WDHD1: variants seen among roughly 807,000 people sequenced by gnomAD.
WDHD1 encodes the protein WD repeat and HMG-box DNA-binding protein 1.
In WDHD1, 111 loss-of-function variants were observed where a neutral mutation model predicts 135.4. The ratio of observed to expected loss-of-function variants is 0.82; its 90% CI spans 0.70 to 0.96. The LOEUF is 0.96. Ranked by LOEUF, WDHD1 falls within the 40% of genes least tolerant of loss-of-function variation. The pLI is 0.00. For missense variants in WDHD1, 1,351 were observed against 1,336.3 expected (o/e 1.01, Z -0.17); for synonymous variants, 434 against 439.0 (o/e 0.99, Z 0.14).
chr14:54,942,207 C>A (rs887923465), intron 25 of WDHD1, among the ~76,000 whole-genome samples: 11 of 151,678 alleles, frequency 7.3e-5, no homozygotes, highest in Non-Finnish European at 1.5e-4. Flanking sequence ...GCTGAGATCA[C>A]GCCACTGCAC....
chr14:54,974,134 A>C (rs1248524113), intron 16 of WDHD1, among the ~76,000 whole-genome samples: 2 of 152,048 alleles, frequency 1.3e-5, no homozygotes, highest in African/African-American at 4.8e-5. Flanking sequence ...CTAAAAAGAC[A>C]AAAGTGGCTG....
intron 3 of WDHD1, among the ~76,000 whole-genome samples, chr14:55,013,194 C>CAAAAAAAAAAAAA (rs71448422): frequency 0.043 from 3,515 of 82,082 alleles, 215 homozygotes; most frequent in Non-Finnish European, 0.058. Context: ...GATCCCGTTT[C>CAAAAAAAAAAAAA]AAAAAAAAAA....
chr14:54,955,895 C>CTTTTTTTTT (rs71131243), intron 23 of WDHD1, among the ~76,000 whole-genome samples: 1 of 110,094 alleles, frequency 9.1e-6, no homozygotes, highest in Non-Finnish European at 1.8e-5. Context: ...CCATGTTTTC[C>CTTTTTTTTT]TTTTTTTTTT....
chr14:54,972,935 T>C (rs939770467), intron 16 of WDHD1, among the ~76,000 whole-genome samples: 5 of 152,242 alleles, frequency 3.3e-5, no homozygotes, highest in Non-Finnish European at 1.5e-5. Flanking sequence ...AAAGACTGTC[T>C]AAACCTGTTC....
At chr14:55,024,052 A>G (rs528343510) in intron 2 of WDHD1, among the ~76,000 whole-genome samples, 1 of 152,314 alleles carries the variant, frequency 6.6e-6, no homozygotes, top group South Asian at 2.1e-4. Context: ...TCTAGGCTAC[A>G]TGGTTCGTCT....
rs150906260 is a variant in WDHD1, at chr14:55,010,371, G to A, written c.279C>T (p.Phe93=). 1.8e-4 allele frequency: 289 copies of A among 1,613,584 alleles called. No homozygotes were observed. The African/African-American group carries it at 3.2e-3, about 18-fold the overall frequency. ...AGACCACATGGTTTGCATTTGTAGT[G>A]AAGCGAGTCAATATACCATCTGGAA... ...EGVPDGILTR[F]TTNANHVVFN... The change falls in exon 4 of 26, where the codon TTC becomes TTT. Residue 93 remains phenylalanine, a synonymous_variant. Coordinates refer to ENST00000360586, the MANE Select transcript of WDHD1 (RefSeq NM_007086.4).
At position 55,012,444 on chromosome 14, in the gene WDHD1, A is replaced by C. The variant is rs1188533236; in HGVS notation, c.189+1041T>G. 2.0e-5 allele frequency among the ~76,000 whole-genome samples: 3 copies of C among 152,224 alleles called. No homozygotes were observed. In the East Asian group the frequency reaches 5.8e-4, roughly 29 times the overall value. On this transcript the variant is annotated intron_variant, in intron 3 of 25. Coordinates refer to ENST00000360586, the MANE Select transcript of WDHD1 (RefSeq NM_007086.4). Reference sequence around the variant, plus strand: ...AGTCTTCTTTCTCCAAGTAACCTACATCTCATTCCCATATTTGCGTTACAC... The same window carrying C: ...AGTCTTCTTTCTCCAAGTAACCTACCTCTCATTCCCATATTTGCGTTACAC...
intron 24 of WDHD1, among the ~76,000 whole-genome samples, chr14:54,949,105 C>G (rs182239534): frequency 1.2e-4 from 19 of 152,210 alleles, no homozygotes; most frequent in Middle Eastern, 3.4e-3. Flanking sequence ...CTCTCCCCCC[C>G]CAAAGGAACG....
In WDHD1 at chr14:55,011,641, GT is replaced by G; in HGVS notation, c.190-1182del. 1.3e-5 allele frequency among the ~76,000 whole-genome samples: 2 copies of G among 148,908 alleles called. 1 individual carries two copies. Among genetic ancestry groups the G allele is most frequent in the African/African-American group, 5.1e-5 (2 of 39,494 alleles). ...GTCTTCTTAATTTTGTTATATTCGT[GT>G]GTGTGTTTGTGTGTATATATATATG... is the stretch of plus-strand genomic sequence containing the variant. On this transcript the variant is annotated intron_variant, in intron 3 of 25. Transcript: ENST00000360586.
At chr14:54,984,694 C>T (rs761723101) in intron 15 of WDHD1, 29 bp downstream of exon 15, 16 of 1,580,238 alleles carry the variant, frequency 1.0e-5, no homozygotes, top group South Asian at 9.4e-5. Flanking sequence ...TTATATTATA[C>T]TTGTTTTTTT....
chr14:55,011,433 A>C (rs1330742336), intron 3 of WDHD1, among the ~76,000 whole-genome samples: 1 of 151,192 alleles, frequency 6.6e-6, no homozygotes, highest in East Asian at 1.9e-4. Flanking sequence ...CTGAGGGAGA[A>C]GAATCACCTG....
intron 1 of WDHD1, 109 bp from the exon 2 acceptor site, chr14:55,026,912 G>T: frequency 9.8e-7 from 1 of 1,017,480 alleles, no homozygotes; most frequent in Non-Finnish European, 1.5e-6. Context: ...TCCGCAGCCC[G>T]GTTTCCCCCA....
intron 3 of WDHD1, 78 bp from the exon 4 acceptor site, chr14:55,010,538 G>A (rs575354910): frequency 1.1e-3 from 1,405 of 1,236,730 alleles, no homozygotes; most frequent in Non-Finnish European, 1.4e-3. Context: ...TTAAAAATCC[G>A]GTAAAAAACA....
chr14:54,954,832 T>G (rs986065273), intron 24 of WDHD1, among the ~76,000 whole-genome samples: 8 of 152,160 alleles, frequency 5.3e-5, no homozygotes, highest in Admixed American at 2.0e-4. Context: ...CGGGTTCAAG[T>G]GATTCTCCTG....
chr14:55,003,426 G>C (rs899385365), intron 7 of WDHD1, among the ~76,000 whole-genome samples: 20 of 151,930 alleles, frequency 1.3e-4, no homozygotes, highest in African/African-American at 4.6e-4. Flanking sequence ...GAGGTGGGAG[G>C]ATGAACTGAG....
chr14:54,971,829 G>C (rs896295572), intron 16 of WDHD1, among the ~76,000 whole-genome samples: 3 of 150,254 alleles, frequency 2.0e-5, no homozygotes, highest in African/African-American at 7.4e-5. Flanking sequence ...AAAAAAATCA[G>C]CAGCAAAAAA....
chr14:54,995,275 C>G (rs1413989208), intron 11 of WDHD1, among the ~76,000 whole-genome samples: 1 of 152,122 alleles, frequency 6.6e-6, no homozygotes, highest in Non-Finnish European at 1.5e-5. Flanking sequence ...GCCACCGTGC[C>G]CGGCCTTATT....
intron 21 of WDHD1, among the ~76,000 whole-genome samples, chr14:54,959,773 C>T (rs1028460145): frequency 6.6e-6 from 1 of 151,476 alleles, no homozygotes; most frequent in Non-Finnish European, 1.5e-5. Context: ...AGCAAGATAC[C>T]CTGTATCCGC....
At chr14:54,951,839 C>T (rs1003697467) in intron 24 of WDHD1, among the ~76,000 whole-genome samples, 12 of 152,146 alleles carry the variant, frequency 7.9e-5, no homozygotes, top group East Asian at 1.9e-4. Flanking sequence ...GTTCAACATT[C>T]GCAAATAAAT....
Sources: allele counts gnomAD v4.1 joint callset (sites outside exome capture counted in the v4.1 genomes callset), GRCh38; gene constraint gnomAD v4.1.1; transcripts MANE v1.5; gene names NCBI Gene and HGNC (gene_info 2026-07-23, HGNC 2026-07-21).